The following CDH13 variants were observed in gnomAD, a reference collection of about 807,000 sequenced individuals.
The protein encoded by CDH13 is cadherin-13.
CDH13 carries 24 observed loss-of-function variants against 63.8 expected under a neutral mutation model. The observed-to-expected ratio is 0.38, with a 90% CI of 0.27 to 0.53. CDH13 has a LOEUF of 0.53. Among genes scored for constraint, CDH13 ranks in the 20% least tolerant of loss-of-function variants. CDH13 has a pLI of 0.85. For missense variants in CDH13, 1,049 were observed against 903.1 expected, an observed-to-expected ratio of 1.16 and a Z score of -2.07; for synonymous variants, 503 against 355.3, an observed-to-expected ratio of 1.42 and a Z score of -4.67.
intron 6 of CDH13, among the ~76,000 whole-genome samples, chr16:83,419,116 C>G (rs778651814): frequency 4.5e-4 from 68 of 152,208 alleles, no homozygotes; most frequent in African/African-American, 1.4e-3. Context: ...AACTGTTGTC[C>G]TCCCTGACAG....
At chr16:82,812,007 C>A (rs1424261282) in intron 1 of CDH13, among the ~76,000 whole-genome samples, 1 of 152,154 alleles carries the variant, frequency 6.6e-6, no homozygotes, top group African/African-American at 2.4e-5. Flanking sequence ...GTTCTACCTT[C>A]AGCCTTGGGG....
intron 2 of CDH13, among the ~76,000 whole-genome samples, chr16:82,890,842 G>A (rs1318907051): frequency 6.6e-6 from 1 of 151,924 alleles, no homozygotes; most frequent in East Asian, 1.9e-4. Flanking sequence ...AGTGGAGACA[G>A]CATTTTACCG....
chr16:82,848,005 A>G (rs1295257820), intron 1 of CDH13, among the ~76,000 whole-genome samples: 1 of 151,370 alleles, frequency 6.6e-6, no homozygotes, highest in Non-Finnish European at 1.5e-5. Context: ...TTAGCATTTC[A>G]TTTGGGAAGA....
chr16:82,970,292 T>C (rs900183158), intron 2 of CDH13, among the ~76,000 whole-genome samples: 1 of 152,056 alleles, frequency 6.6e-6, no homozygotes, highest in African/African-American at 2.4e-5. Flanking sequence ...TATTCCCTGG[T>C]ATATATGTGC....
chr16:83,109,581 A>G (rs1234937181), intron 3 of CDH13, among the ~76,000 whole-genome samples: 2 of 152,192 alleles, frequency 1.3e-5, no homozygotes, highest in Non-Finnish European at 2.9e-5. Flanking sequence ...CCAGCCAGAC[A>G]TTTATGAGCT....
chr16:83,104,431 G>C (rs557346056), intron 3 of CDH13, among the ~76,000 whole-genome samples: 9 of 152,270 alleles, frequency 5.9e-5, no homozygotes, highest in African/African-American at 2.2e-4. Flanking sequence ...AGAGAGAAGA[G>C]AGAGGCCAAT....
intron 12 of CDH13, 87 bp from the exon 13 acceptor site, chr16:83,783,167 T>C: frequency 2.4e-6 from 2 of 846,672 alleles, no homozygotes; most frequent in South Asian, 2.9e-5. Flanking sequence ...GCAATGCCTG[T>C]TTGGTGTGAC....
chr16:82,972,979 A>G (rs1226812405), intron 2 of CDH13, among the ~76,000 whole-genome samples: 1 of 152,160 alleles, frequency 6.6e-6, no homozygotes, highest in Non-Finnish European at 1.5e-5. Flanking sequence ...TACTTTAATG[A>G]TTTGTTCTGG....
chr16:83,552,636 C>A (rs2075526972), intron 7 of CDH13, among the ~76,000 whole-genome samples: 1 of 151,956 alleles, frequency 6.6e-6, no homozygotes, highest in African/African-American at 2.4e-5. Context: ...GTAATTATGC[C>A]CAAAATAGTC....
At chr16:83,165,264 A>T (rs1162928822) in intron 4 of CDH13, among the ~76,000 whole-genome samples, 1 of 152,070 alleles carries the variant, frequency 6.6e-6, no homozygotes, top group East Asian at 1.9e-4. Context: ...GATGTTCCAC[A>T]ATACAAAAAG....
chr16:83,466,247 C>G (rs1041737386), intron 6 of CDH13, among the ~76,000 whole-genome samples: 1 of 152,146 alleles, frequency 6.6e-6, no homozygotes, highest in Non-Finnish European at 1.5e-5. Context: ...GTGCCAAACC[C>G]TATTAACCTC....
chr16:83,447,705 A>C (rs529556082), intron 6 of CDH13, among the ~76,000 whole-genome samples: 46 of 151,486 alleles, frequency 3.0e-4, no homozygotes, highest in Non-Finnish European at 6.2e-4. Context: ...TGGAATGTGA[A>C]GTTAGAGATA....
At chr16:83,205,756 C>T (rs1215770937) in intron 4 of CDH13, among the ~76,000 whole-genome samples, 11 of 151,912 alleles carry the variant, frequency 7.2e-5, no homozygotes, top group African/African-American at 2.4e-4. Flanking sequence ...AAGTGTGCAC[C>T]ACCACACCCA....
intron 5 of CDH13, among the ~76,000 whole-genome samples, chr16:83,275,979 G>C (rs1337385400): frequency 6.6e-6 from 1 of 152,144 alleles, no homozygotes; most frequent in African/African-American, 2.4e-5. Flanking sequence ...ACAGATTAAT[G>C]ATGGTCATTT....
At chr16:82,717,863 T>C (rs1450988568) in intron 1 of CDH13, among the ~76,000 whole-genome samples, 1 of 101,810 alleles carries the variant, frequency 9.8e-6, no homozygotes, top group Non-Finnish European at 2.1e-5. Flanking sequence ...GTTCATCAGT[T>C]AGTGGGGGGG....
intron 7 of CDH13, among the ~76,000 whole-genome samples, chr16:83,562,054 G>C (rs955129235): frequency 6.6e-6 from 1 of 152,294 alleles, no homozygotes; most frequent in East Asian, 1.9e-4. Context: ...CAGGACCTTG[G>C]AGAGCTCATG....
In CDH13 at chr16:83,795,821, T is replaced by A. The variant is rs1730138747; in HGVS notation, c.*791T>A. ...TTTCTTTCATGGGCACCAACCTGCATTTGTATGTGTCCCGAATCCACAGTC... is the reference window on the plus strand; with the variant it reads ...TTTCTTTCATGGGCACCAACCTGCAATTGTATGTGTCCCGAATCCACAGTC... On this transcript the variant is annotated 3_prime_UTR_variant, in exon 14 of 14. Coordinates refer to ENST00000567109, the MANE Select transcript of CDH13 (RefSeq NM_001257.5). 1 of 152,656 alleles carries A rather than the reference T, an allele frequency of 6.6e-6. No homozygotes were observed. Among genetic ancestry groups the A allele is most frequent in the Non-Finnish European group, 1.5e-5 (1 of 68,050 alleles). 9.5% of individuals were successfully genotyped at this position (152,656 alleles called of 1,614,324 possible).
At chr16:82,661,472 G>A (rs1398685574) in intron 1 of CDH13, among the ~76,000 whole-genome samples, 2 of 152,214 alleles carry the variant, frequency 1.3e-5, no homozygotes, top group African/African-American at 4.8e-5. Flanking sequence ...CTGCCGGCTG[G>A]TTCTCATGCC....
Position 83,783,413 on chromosome 16 carries a change from C to T in CDH13, c.2075C>T (p.Ala692Val), listed in dbSNP as rs777147910. The T allele has an allele frequency of 8.1e-6, 13 of 1,613,934 alleles. No homozygotes were observed. The highest frequency in any genetic ancestry group is 3.3e-5 in the Admixed American group (2 of 60,020). The change falls in exon 13 of 14, where the codon GCA becomes GTA. Residue 692 changes from alanine (A) to valine (V), a missense_variant. Physicochemically the swap from Ala to Val is moderately conservative, Grantham distance 64. Coordinates refer to ENST00000567109, the MANE Select transcript of CDH13 (RefSeq NM_001257.5). ...CRNSKVDCNA[A>V]GALRFSLPSV... The stretch of plus-strand genomic sequence containing the variant: ...AATTCCAAAGTGGACTGCAACGCGG[C>T]AGGGGCCCTGCGCTTCAGCCTGCCC...
Sources: gnomAD v4.1 joint callset for allele counts (sites outside exome capture counted in the v4.1 genomes callset) on GRCh38, gnomAD v4.1.1 for gene constraint, MANE v1.5 for transcripts, NCBI Gene and HGNC (gene_info 2026-07-23, HGNC 2026-07-21) for gene names.